Variants in KCNH5 observed in about 807,000 individuals in gnomAD.
KCNH5 encodes the protein voltage-gated delayed rectifier potassium channel KCNH5.
A neutral mutation model predicts 96.1 loss-of-function variants in KCNH5; 46 were observed. That is an observed-to-expected ratio of 0.48 (90% CI 0.38 to 0.61). The LOEUF is 0.61. KCNH5 is among the 20% of genes least tolerant of loss of function. KCNH5 has a pLI of 0.00. For missense variants in KCNH5, 907 were observed against 1,225.8 expected (o/e 0.74, Z 3.88); for synonymous variants, 439 against 449.8 (o/e 0.98, Z 0.30).
intron 1 of KCNH5, among the ~76,000 whole-genome samples, chr14:63,030,156 A>G (rs1009958112): frequency 6.6e-6 from 1 of 152,204 alleles, no homozygotes; most frequent in South Asian, 2.1e-4. Flanking sequence ...ACCTTGAGCC[A>G]TGAATTCTGG....
chr14:62,847,019 C>T (rs894978672), intron 8 of KCNH5, among the ~76,000 whole-genome samples: 9 of 149,392 alleles, frequency 6.0e-5, no homozygotes, highest in African/African-American at 2.2e-4. Flanking sequence ...CCAGGATGGT[C>T]TCAATCTCCT....
intron 2 of KCNH5, among the ~76,000 whole-genome samples, chr14:63,014,677 G>C (rs1891290937): frequency 6.6e-6 from 1 of 152,016 alleles, no homozygotes; most frequent in Middle Eastern, 3.2e-3. Context: ...AAAAACCCAA[G>C]GGATAAGGCA....
intron 9 of KCNH5, among the ~76,000 whole-genome samples, chr14:62,797,719 ATT>A (rs71451279): frequency 2.1e-5 from 3 of 145,892 alleles, no homozygotes; most frequent in Admixed American, 6.9e-5. Flanking sequence ...CACGTTTATA[ATT>A]TTTTTTTTTT....
intron 6 of KCNH5, among the ~76,000 whole-genome samples, chr14:62,960,870 C>T (rs377738972): frequency 6.1e-4 from 93 of 152,272 alleles, no homozygotes; most frequent in African/African-American, 2.2e-3. Flanking sequence ...GTGCATAAAA[C>T]CTGTATTAGC....
chr14:62,858,046 T>G (rs1887963957), intron 7 of KCNH5, among the ~76,000 whole-genome samples: 1 of 152,098 alleles, frequency 6.6e-6, no homozygotes, highest in African/African-American at 2.4e-5. Context: ...AATGCTGATA[T>G]GAAGTCAACA....
intron 1 of KCNH5, among the ~76,000 whole-genome samples, chr14:63,020,945 G>A (rs1312689572): frequency 1.3e-5 from 2 of 152,092 alleles, no homozygotes; most frequent in East Asian, 3.8e-4. Context: ...ATCAAAATGA[G>A]CTAATTTCTG....
At chr14:63,029,231 T>C (rs936435137) in intron 1 of KCNH5, among the ~76,000 whole-genome samples, 2 of 152,096 alleles carry the variant, frequency 1.3e-5, no homozygotes, top group African/African-American at 4.8e-5. Context: ...TTTCTAACAA[T>C]CAATATACCA....
rs78908869 is a variant in KCNH5, at chr14:63,045,328, C to T, written c.-142G>A. ...GGCGCGGCGGCGGCGACGGGGTCCC[C>T]TGACTGTGTCTCCAGCCCGACCCGG... On this transcript the variant is annotated 5_prime_UTR_variant, in exon 1 of 11. Coordinates refer to ENST00000322893, the MANE Select transcript of KCNH5 (RefSeq NM_139318.5). 1 of 675,888 alleles carries T rather than the reference C, an allele frequency of 1.5e-6. No homozygotes were observed. Among genetic ancestry groups the T allele is most frequent in the African/African-American group, 1.8e-5 (1 of 56,876 alleles). 41.9% of individuals were successfully genotyped at this position (675,888 alleles called of 1,614,324 possible).
At chr14:62,882,248 G>C (rs1888509283) in intron 7 of KCNH5, among the ~76,000 whole-genome samples, 1 of 151,864 alleles carries the variant, frequency 6.6e-6, no homozygotes, top group Admixed American at 6.6e-5. Flanking sequence ...GGGTGACAGA[G>C]TGATACCTGT....
intron 1 of KCNH5, among the ~76,000 whole-genome samples, chr14:63,037,178 A>G (rs1891736787): frequency 6.6e-6 from 1 of 152,196 alleles, no homozygotes; most frequent in South Asian, 2.1e-4. Flanking sequence ...CTAACCCCAT[A>G]AACTAGGTAC....
At chr14:62,815,531 G>A (rs1289182817) in intron 8 of KCNH5, among the ~76,000 whole-genome samples, 3 of 151,918 alleles carry the variant, frequency 2.0e-5, no homozygotes, top group Admixed American at 1.3e-4. Flanking sequence ...ACTGTATGAA[G>A]TAATACAGGT....
chr14:62,897,433 T>C (rs1017618383), intron 7 of KCNH5, among the ~76,000 whole-genome samples: 6 of 152,086 alleles, frequency 3.9e-5, no homozygotes, highest in African/African-American at 1.4e-4. Context: ...TTTTTCTAGA[T>C]GAACCAAGTA....
chr14:62,738,844 G>A (rs1036312951), intron 10 of KCNH5, among the ~76,000 whole-genome samples: 1 of 152,016 alleles, frequency 6.6e-6, no homozygotes, highest in African/African-American at 2.4e-5. Context: ...GACTTTAAAA[G>A]GGCCCTTAAT....
At chr14:62,890,698 CAAA>C (rs1277209731) in intron 7 of KCNH5, among the ~76,000 whole-genome samples, 16 of 55,890 alleles carry the variant, frequency 2.9e-4, no homozygotes, top group Non-Finnish European at 4.4e-4. Context: ...GACTCCGTCT[CAAA>C]AAAAAAAAAA....
chr14:62,865,907 A>G (rs1019451020), intron 7 of KCNH5, among the ~76,000 whole-genome samples: 3 of 152,218 alleles, frequency 2.0e-5, no homozygotes, highest in African/African-American at 7.2e-5. Context: ...TTTAAAGACA[A>G]TATTCCATCC....
rs112390819 is a variant in KCNH5 at position 62,844,052 on chromosome 14, C to T, written c.1569+5601G>A. Reference sequence around the variant, plus strand: ...TAAAAGATAATAAAAAATTTTAAAACGTTCAAAATTTCAATTTGTTTAAAT... The same window carrying T: ...TAAAAGATAATAAAAAATTTTAAAATGTTCAAAATTTCAATTTGTTTAAAT... On this transcript the variant is annotated intron_variant, in intron 8 of 10. Coordinates refer to ENST00000322893, the MANE Select transcript of KCNH5 (RefSeq NM_139318.5). 4.7e-3 allele frequency among the ~76,000 whole-genome samples: 714 copies of T among 152,144 alleles called. 6 individuals carry two copies. Among genetic ancestry groups the T allele is most frequent in the Middle Eastern group, 0.017 (5 of 294 alleles).
chr14:62,819,520 T>C (rs1243891770), intron 8 of KCNH5, among the ~76,000 whole-genome samples: 1 of 152,118 alleles, frequency 6.6e-6, no homozygotes. Context: ...ATGATGAAAA[T>C]GTTCTGGAAT....
chr14:62,738,877 G>T (rs1419257150), intron 10 of KCNH5, among the ~76,000 whole-genome samples: 2 of 152,100 alleles, frequency 1.3e-5, no homozygotes, highest in African/African-American at 4.8e-5. Context: ...CATAGAAAGA[G>T]CATTATGGAG....
Position 62,712,695 on chromosome 14 carries a change from C to T in KCNH5, c.2020-4240G>A, listed in dbSNP as rs781700803. ...ACCCAGCAGGTCACCCTTCACAGAG[C>T]GTTTGCCATGGAGAACCATCCCTGA... On this transcript the variant is annotated intron_variant, in intron 10 of 10. Coordinates refer to ENST00000322893, the MANE Select transcript of KCNH5 (RefSeq NM_139318.5). 5.9e-5 allele frequency: 46 copies of T among 778,976 alleles called. No individual in the cohort carries two copies. The Admixed American group carries it at 6.3e-4, about 11-fold the overall frequency. 48.3% of individuals were successfully genotyped at this position (778,976 alleles called of 1,614,324 possible). A position where few individuals can be genotyped will look rare whatever the true frequency, so the allele number is the denominator to read the frequency against.
Sources: gnomAD v4.1 joint callset for allele counts (sites outside exome capture counted in the v4.1 genomes callset) on GRCh38, gnomAD v4.1.1 for gene constraint, MANE v1.5 for transcripts, NCBI Gene and HGNC (gene_info 2026-07-23, HGNC 2026-07-21) for gene names.